The following DERA variants were observed in gnomAD, a reference collection of about 807,000 sequenced individuals.
DERA encodes the protein 2-deoxy-D-ribose 5-phosphate aldolase.
Under a neutral mutation model 41.1 loss-of-function variants are expected in DERA, and 15 were observed. That is an observed-to-expected ratio of 0.37 (90% confidence interval 0.24 to 0.56). The LOEUF is 0.56. Ranked by LOEUF, DERA falls within the 20% of genes least tolerant of loss-of-function variation. DERA has a pLI of 0.81. For synonymous variants in DERA, 139 were observed against 137.4 expected (o/e 1.01, Z -0.08); for missense variants, 396 against 403.4 (o/e 0.98, Z 0.16).
chr12:15,974,567 T>C (rs1380201297), intron 5 of DERA, among the ~76,000 whole-genome samples: 2 of 152,234 alleles, frequency 1.3e-5, no homozygotes, highest in Non-Finnish European at 2.9e-5. Flanking sequence ...ATTTGTCCCA[T>C]TATTGATGAT....
Position 15,959,351 on chromosome 12 carries a change from T to G in DERA, c.278-478T>G, listed in dbSNP as rs2136148040. On this transcript the variant is annotated intron_variant, in intron 3 of 8. Transcript: ENST00000428559. The surrounding 1 kb of genome is among the most constrained non-coding windows in gnomAD (Gnocchi z 4.5). ...AAATCAGGGCTTCCGTTTCAGATTTTATTATTTCTTGCAAAAGAGGGAATA... is the reference window on the plus strand; with the variant it reads ...AAATCAGGGCTTCCGTTTCAGATTTGATTATTTCTTGCAAAAGAGGGAATA... Among the ~76,000 whole-genome samples the G allele has an allele frequency of 6.6e-6, 1 of 152,332 alleles. No homozygotes were observed. Among genetic ancestry groups the G allele is most frequent in the African/African-American group, 2.4e-5 (1 of 41,576 alleles).
intron 5 of DERA, among the ~76,000 whole-genome samples, chr12:15,968,927 T>C (rs1032979499): frequency 6.6e-6 from 1 of 152,224 alleles, no homozygotes; most frequent in African/African-American, 2.4e-5. Flanking sequence ...TGATAATTTA[T>C]ACCTAGACCT....
chr12:16,027,447 G>C (rs1166067778), intron 6 of DERA, among the ~76,000 whole-genome samples: 2 of 152,220 alleles, frequency 1.3e-5, no homozygotes, highest in African/African-American at 4.8e-5. Context: ...TAAAGGTCTT[G>C]CAGTGAGGTG....
intron 5 of DERA, among the ~76,000 whole-genome samples, chr12:15,978,025 C>G (rs1948710125): frequency 6.6e-6 from 1 of 152,208 alleles, no homozygotes; most frequent in African/African-American, 2.4e-5. Context: ...TTGTCCTTTC[C>G]TACCAACATA....
intron 4 of DERA, among the ~76,000 whole-genome samples, chr12:15,961,291 G>T (rs1279790157): frequency 6.6e-6 from 1 of 152,162 alleles, no homozygotes. Flanking sequence ...TGGTAAATGT[G>T]TATCTGTGTG....
At position 15,942,901 on chromosome 12, in the gene DERA, G is replaced by C. The variant is rs1003985102; in HGVS notation, c.32-14035G>C. 5.9e-5 allele frequency among the ~76,000 whole-genome samples: 9 copies of C among 152,292 alleles called. No individual in the cohort carries two copies. The South Asian group carries it at 1.9e-3, about 32-fold the overall frequency. On this transcript the variant is annotated intron_variant, in intron 1 of 8. Transcript: ENST00000428559. Reference sequence around the variant, plus strand: ...ATAGAAGATGAATGCTAACACAGAGGGGACAGGAGGCATAAACCAGGCTTG... The same window carrying C: ...ATAGAAGATGAATGCTAACACAGAGCGGACAGGAGGCATAAACCAGGCTTG...
intron 1 of DERA, among the ~76,000 whole-genome samples, chr12:15,934,314 C>T (rs577819797): frequency 9.3e-4 from 141 of 152,210 alleles, no homozygotes; most frequent in African/African-American, 2.0e-3. Flanking sequence ...AGGCCCTGCG[C>T]GGTGGCTCAC....
chr12:15,959,403 T>A lies in DERA; in HGVS notation c.278-426T>A, dbSNP rs770182653. 1.5e-4 allele frequency among the ~76,000 whole-genome samples: 23 copies of A among 152,234 alleles called. No homozygotes were observed. The highest frequency in any genetic ancestry group is 2.8e-4 in the Non-Finnish European group (19 of 68,044). On this transcript the variant is annotated intron_variant, in intron 3 of 8. Transcript: ENST00000428559. The surrounding 1 kb of genome is among the most constrained non-coding windows in gnomAD (Gnocchi z 4.5). ...GATTAGTTAAATGTCATTTTTGTGG[T>A]ACCACCCTCTAAATTGTACTTATAT... is the stretch of plus-strand genomic sequence containing the variant.
In DERA at chr12:16,035,986, G is replaced by A. The variant is rs1422195636; in HGVS notation, c.751-246G>A. 6.6e-6 allele frequency among the ~76,000 whole-genome samples: 1 copy of A among 152,078 alleles called. No homozygotes were observed. The highest frequency in any genetic ancestry group is 1.5e-5 in the Non-Finnish European group (1 of 68,024). On this transcript the variant is annotated intron_variant, in intron 7 of 8. Coordinates refer to ENST00000428559, the MANE Select transcript of DERA (RefSeq NM_015954.4). This position sits in a 1 kb window ranked among gnomAD's most constrained non-coding sequence, Gnocchi z 4.1. ...TTTCCAATAAGTGAAATGTTAATGA[G>A]GGTTATTAACCCTCACTAGTGTCTG...
intron 1 of DERA, among the ~76,000 whole-genome samples, chr12:15,912,011 T>C (rs146965722): frequency 7.1e-4 from 107 of 150,784 alleles, no homozygotes; most frequent in Non-Finnish European, 1.3e-3. Context: ...GAAACCTTAG[T>C]TCAGATTTCT....
At chr12:15,920,228 CTT>C (rs901640163) in intron 1 of DERA, among the ~76,000 whole-genome samples, 14 of 152,124 alleles carry the variant, frequency 9.2e-5, no homozygotes, top group Admixed American at 2.0e-4. Flanking sequence ...AAGGCTACCT[CTT>C]TTTGTTGTTG....
chr12:15,970,612 A>G lies in DERA; in HGVS notation c.508+7665A>G, dbSNP rs918008080. 6.6e-6 allele frequency among the ~76,000 whole-genome samples: 1 copy of G among 152,088 alleles called. No homozygotes were observed. Among genetic ancestry groups the G allele is most frequent in the Non-Finnish European group, 1.5e-5 (1 of 68,024 alleles). On this transcript the variant is annotated intron_variant, in intron 5 of 8. Transcript: ENST00000428559. The surrounding 1 kb of genome is among the most constrained non-coding windows in gnomAD (Gnocchi z 4.3). ...TTCTTTTTTTAAAATACACCATTCT[A>G]TTTTTGAAAATAATGTTAAGAATGA...
At chr12:15,923,044 A>T (rs1591999341) in intron 1 of DERA, among the ~76,000 whole-genome samples, 1 of 109,348 alleles carries the variant, frequency 9.1e-6, no homozygotes, top group African/African-American at 3.6e-5. Flanking sequence ...TTTTTTTGAG[A>T]CGGAGTCTCG....
chr12:15,951,796 C>T (rs1948499632), intron 1 of DERA, among the ~76,000 whole-genome samples: 1 of 152,074 alleles, frequency 6.6e-6, no homozygotes, highest in Non-Finnish European at 1.5e-5. Flanking sequence ...TTTTTATTAA[C>T]AGTTTTATTT....
chr12:15,927,249 C>T (rs368996509), intron 1 of DERA, among the ~76,000 whole-genome samples: 2 of 152,192 alleles, frequency 1.3e-5, no homozygotes, highest in African/African-American at 4.8e-5. Context: ...TTGTCTTCTA[C>T]TCCTCCCAAC....
chr12:15,961,341 T>G (rs1265867841), intron 4 of DERA, among the ~76,000 whole-genome samples: 8 of 152,154 alleles, frequency 5.3e-5, no homozygotes, highest in Admixed American at 3.9e-4. Context: ...AATTAGATTC[T>G]AGTTTTAAGA....
rs1326187908 is a variant in DERA, at chr12:16,008,989, A to G, written c.638-23553A>G. 1.3e-5 allele frequency among the ~76,000 whole-genome samples: 2 copies of G among 152,242 alleles called. No individual in the cohort carries two copies. Among genetic ancestry groups the G allele is most frequent in the Non-Finnish European group, 2.9e-5 (2 of 68,028 alleles). ...AGCCTGGACTTTGAGTTAGAAAAAC[A>G]TGGATTCATGACACTTACAAGCTGT... On this transcript the variant is annotated intron_variant, in intron 6 of 8. Transcript: ENST00000428559. The surrounding 1 kb of genome is among the most constrained non-coding windows in gnomAD (Gnocchi z 4.8).
At chr12:15,917,785 T>C (rs1591996860) in intron 1 of DERA, among the ~76,000 whole-genome samples, 1 of 152,234 alleles carries the variant, frequency 6.6e-6, no homozygotes, top group East Asian at 1.9e-4. Context: ...TATTTCTGGC[T>C]TATCTTATAA....
rs992053085 is a variant in DERA, at chr12:15,976,667, C to T, written c.509-5641C>T. 6.6e-6 allele frequency among the ~76,000 whole-genome samples: 1 copy of T among 152,146 alleles called. No individual in the cohort carries two copies. Among genetic ancestry groups the T allele is most frequent in the Non-Finnish European group, 1.5e-5 (1 of 68,026 alleles). ...TAAGTCAACGTTTACCATCATTTTA[C>T]GTGTGCTTATTATCAAAGGTGGATC... On this transcript the variant is annotated intron_variant, in intron 5 of 8. Transcript: ENST00000428559. This position sits in a 1 kb window ranked among gnomAD's most constrained non-coding sequence, Gnocchi z 4.1.
Sources: allele counts gnomAD v4.1 joint callset (sites outside exome capture counted in the v4.1 genomes callset), GRCh38; gene constraint gnomAD v4.1.1; non-coding constraint Gnocchi (gnomAD v3.1); transcripts MANE v1.5; gene names NCBI Gene and HGNC (gene_info 2026-07-23, HGNC 2026-07-21).